The following SLC66A2 variants were observed in gnomAD, a reference collection of about 807,000 sequenced individuals.
The protein encoded by SLC66A2 is PQ loop repeat containing 1.
In SLC66A2, 23 loss-of-function variants were observed where a neutral mutation model predicts 25.5. The observed-to-expected ratio is 0.90, with a 90% CI of 0.65 to 1.28. SLC66A2 has a LOEUF of 1.28. SLC66A2 is among the 50% of genes most tolerant of loss of function. The pLI is 0.00. For synonymous variants in SLC66A2, 193 were observed against 166.5 expected (o/e 1.16, Z -1.23); for missense variants, 396 against 373.1 (o/e 1.06, Z -0.51).
At chr18:79,905,644 T>G (rs556525025) in intron 5 of SLC66A2, among the ~76,000 whole-genome samples, 1 of 152,358 alleles carries the variant, frequency 6.6e-6, no homozygotes, top group East Asian at 1.9e-4. Context: ...CAGCTTCCGG[T>G]TGACCCCTCA....
chr18:79,913,530 T>C (rs551360523), intron 5 of SLC66A2, among the ~76,000 whole-genome samples: 1 of 152,248 alleles, frequency 6.6e-6, no homozygotes, highest in Non-Finnish European at 1.5e-5. Context: ...TAAAGGGAAG[T>C]CACTGTTCAA....
chr18:79,947,917 A>C (rs2050987691), intron 2 of SLC66A2, among the ~76,000 whole-genome samples: 1 of 152,062 alleles, frequency 6.6e-6, no homozygotes. Context: ...TGGGCACAAG[A>C]GGATGTGTGG....
At chr18:79,931,859 C>CA (rs889575974) in intron 4 of SLC66A2, among the ~76,000 whole-genome samples, 89 of 151,656 alleles carry the variant, frequency 5.9e-4, no homozygotes, top group South Asian at 1.5e-3. Context: ...ACAAAAAATA[C>CA]AAAAAAAATT....
At chr18:79,912,132 G>GGGGACGGCAGCAGGGGGGGGA (rs780297340) in intron 5 of SLC66A2, among the ~76,000 whole-genome samples, 1 of 75,640 alleles carries the variant, frequency 1.3e-5, no homozygotes, top group Non-Finnish European at 2.6e-5. Context: ...CAGGGAGGGA[G>GGGGACGGCAGCAGGGGGGGGA]TGGGAGCAGG....
intron 4 of SLC66A2, among the ~76,000 whole-genome samples, chr18:79,923,306 T>A (rs1459539650): frequency 9.7e-6 from 1 of 103,456 alleles, no homozygotes; most frequent in African/African-American, 3.8e-5. Context: ...GGGTGGTGGA[T>A]GGGTGGATGG....
intron 5 of SLC66A2, among the ~76,000 whole-genome samples, chr18:79,909,926 T>C (rs1330256219): frequency 2.8e-4 from 21 of 75,582 alleles, no homozygotes; most frequent in Admixed American, 3.4e-4. Context: ...TTCCCCACCA[T>C]CTCACCACAG....
intron 4 of SLC66A2, among the ~76,000 whole-genome samples, chr18:79,925,862 G>A (rs1985890837): frequency 6.6e-6 from 1 of 152,260 alleles, no homozygotes; most frequent in South Asian, 2.1e-4. Flanking sequence ...GGCTGGCTAA[G>A]ATGAGGCTGA....
intron 4 of SLC66A2, among the ~76,000 whole-genome samples, chr18:79,928,297 T>C (rs529239022): frequency 6.6e-6 from 1 of 152,350 alleles, no homozygotes; most frequent in African/African-American, 2.4e-5. Context: ...CAGGAGTTCC[T>C]CCATGACACA....
At chr18:79,931,452 A>ATAG (rs1568322953) in intron 4 of SLC66A2, among the ~76,000 whole-genome samples, 1 of 152,246 alleles carries the variant, frequency 6.6e-6, no homozygotes, top group Non-Finnish European at 1.5e-5. Flanking sequence ...GAAAATATGC[A>ATAG]TATACGTCCC....
At position 79,903,129 on chromosome 18, in the gene SLC66A2, G is replaced by A. The variant is rs1314670896; in HGVS notation, c.*847C>T. 1 of 152,360 alleles carries A rather than the reference G, an allele frequency of 6.6e-6. No individual in the cohort carries two copies. Among genetic ancestry groups the A allele is most frequent in the African/African-American group, 2.4e-5 (1 of 41,474 alleles). 9.4% of individuals were successfully genotyped at this position (152,360 alleles called of 1,614,324 possible). ...CGGAGGTGCAGTCTGCACCCAGAAG[G>A]AAGGGGATCTCCGCCAGCAGAGCCC... On this transcript the variant is annotated 3_prime_UTR_variant, in exon 6 of 6. Transcript: ENST00000397778.
intron 4 of SLC66A2, among the ~76,000 whole-genome samples, chr18:79,932,123 G>A (rs1048459479): frequency 3.3e-5 from 5 of 152,122 alleles, no homozygotes; most frequent in African/African-American, 1.2e-4. Context: ...ACAAATATGT[G>A]GAAGTTAACA....
chr18:79,904,060 G>T lies in SLC66A2; in HGVS notation c.732C>A (p.Ile244=), dbSNP rs770403642. 2 of 1,611,680 alleles carry T rather than the reference G, an allele frequency of 1.2e-6. No individual in the cohort carries two copies. Among genetic ancestry groups the T allele is most frequent in the Non-Finnish European group, 1.7e-6 (2 of 1,179,316 alleles). The change falls in exon 6 of 6, where the codon ATC becomes ATA. Residue 244 remains isoleucine, a synonymous_variant. Coordinates refer to ENST00000397778, the MANE Select transcript of SLC66A2 (RefSeq NM_025078.5). The surrounding 1 kb of genome is among the most constrained non-coding windows in gnomAD (Gnocchi z 6.3). ...GGGCGAAGGCGTAGGCCTGCCCCAG[G>T]ATGGCCAGGTCCACCAGCACCTGCA... ...GLLQVLVDLA[I]LGQAYAFARH... is the part of the protein sequence containing the mutation.
At position 79,940,915 on chromosome 18, in the gene SLC66A2, T is replaced by G. The variant is rs1987606844; in HGVS notation, c.337+2414A>C. ...ATTTGGGGCCCAGGAGTCATGCAGC[T>G]TGGTTCTCAGTCCTCCCCGGGGGAG... On this transcript the variant is annotated intron_variant, in intron 3 of 5. Coordinates refer to ENST00000397778, the MANE Select transcript of SLC66A2 (RefSeq NM_025078.5). The surrounding 1 kb of genome is among the most constrained non-coding windows in gnomAD (Gnocchi z 4.1). Among the ~76,000 whole-genome samples the G allele has an allele frequency of 6.6e-6, 1 of 152,096 alleles. No individual in the cohort carries two copies. Among genetic ancestry groups the G allele is most frequent in the African/African-American group, 2.4e-5 (1 of 41,420 alleles).
At chr18:79,933,219 C>A (rs752661468) in intron 4 of SLC66A2, among the ~76,000 whole-genome samples, 10 of 152,256 alleles carry the variant, frequency 6.6e-5, no homozygotes, top group African/African-American at 2.2e-4. Flanking sequence ...TCAACAGACA[C>A]GAAAAGCATT....
intron 5 of SLC66A2, among the ~76,000 whole-genome samples, chr18:79,914,265 T>C (rs1983658598): frequency 6.6e-6 from 1 of 152,210 alleles, no homozygotes; most frequent in East Asian, 1.9e-4. Context: ...AAATACGTCA[T>C]CTTAAACACG....
At chr18:79,909,292 A>G (rs1982578468) in intron 5 of SLC66A2, among the ~76,000 whole-genome samples, 1 of 152,212 alleles carries the variant, frequency 6.6e-6, no homozygotes, top group Non-Finnish European at 1.5e-5. Flanking sequence ...AACTGTCCAC[A>G]ATGACACTGA....
chr18:79,921,882 G>GACCAAGT lies in SLC66A2; in HGVS notation c.392-2483_392-2482insACTTGGT, dbSNP rs1317689486. 5.8e-4 allele frequency among the ~76,000 whole-genome samples: 82 copies of GACCAAGT among 142,246 alleles called. 27 individuals carry two copies. The highest frequency in any genetic ancestry group is 6.5e-4 in the Non-Finnish European group (42 of 64,198). 93.3% of individuals were successfully genotyped at this position (142,246 alleles called of 152,430 possible). Reference sequence around the variant, plus strand: ...AGGTCAAGGTCAGTGAGGAGAGACGGGAACCGAGGGAGAGGTCAAGGTCAG... The same window carrying GACCAAGT: ...AGGTCAAGGTCAGTGAGGAGAGACGGACCAAGTGAACCGAGGGAGAGGTCAAGGTCAG... On this transcript the variant is annotated intron_variant, in intron 4 of 5. Transcript: ENST00000397778.
At chr18:79,911,362 T>C (rs1466982854) in intron 5 of SLC66A2, among the ~76,000 whole-genome samples, 2 of 152,220 alleles carry the variant, frequency 1.3e-5, no homozygotes, top group African/African-American at 4.8e-5. Context: ...GATTCCGCAG[T>C]GGCAGAGCTC....
rs921673888 is a variant in SLC66A2, at chr18:79,940,718, G to A, written c.337+2611C>T. ...GACATGAGCCCACACCTTTCATCAA[G>A]ACGCCCTGCAGGAACAGGCCTGGCC... is the stretch of plus-strand genomic sequence containing the variant. On this transcript the variant is annotated intron_variant, in intron 3 of 5. Coordinates refer to ENST00000397778, the MANE Select transcript of SLC66A2 (RefSeq NM_025078.5). This position sits in a 1 kb window ranked among gnomAD's most constrained non-coding sequence, Gnocchi z 4.1. 5.3e-5 allele frequency among the ~76,000 whole-genome samples: 8 copies of A among 152,102 alleles called. No individual in the cohort carries two copies. The highest frequency in any genetic ancestry group is 3.3e-4 in the Admixed American group (5 of 15,262).
Sources: gnomAD v4.1 joint callset for allele counts (sites outside exome capture counted in the v4.1 genomes callset) on GRCh38, gnomAD v4.1.1 for gene constraint, Gnocchi (gnomAD v3.1) non-coding constraint, MANE v1.5 for transcripts, NCBI Gene and HGNC (gene_info 2026-07-23, HGNC 2026-07-21) for gene names.